CCSER1: variants seen among roughly 807,000 people sequenced by gnomAD.
The protein encoded by CCSER1 is serine-rich coiled-coil domain-containing protein 1.
In CCSER1, 41 loss-of-function variants were observed where a neutral mutation model predicts 82.0. The observed-to-expected ratio is 0.50, with a 90% CI of 0.39 to 0.65. The LOEUF is 0.65. Among genes scored for constraint, CCSER1 ranks in the 30% least tolerant of loss-of-function variants. The pLI is 0.00. For missense variants in CCSER1, 1,119 were observed against 1,064.2 expected, an observed-to-expected ratio of 1.05 and a Z score of -0.72; for synonymous variants, 414 against 383.9, an observed-to-expected ratio of 1.08 and a Z score of -0.92.
chr4:90,200,109 C>A (rs1250712792), intron 1 of CCSER1, among the ~76,000 whole-genome samples: 1 of 147,268 alleles, frequency 6.8e-6, no homozygotes, highest in Non-Finnish European at 1.5e-5. Flanking sequence ...TTTCTGACTG[C>A]TGTTAGCCTA....
intron 9 of CCSER1, among the ~76,000 whole-genome samples, chr4:91,035,623 C>T (rs1474327818): frequency 6.6e-6 from 1 of 152,028 alleles, no homozygotes; most frequent in Admixed American, 6.6e-5. Flanking sequence ...CAATATAAAA[C>T]ATGGCTTCTA....
At chr4:91,598,458 C>T (rs2110361231) in intron 10 of CCSER1, 114 bp from the exon 11 acceptor site, 1 of 1,089,532 alleles carries the variant, frequency 9.2e-7, no homozygotes. Context: ...ATTTTATAAA[C>T]CTCATTGAAA....
intron 10 of CCSER1, among the ~76,000 whole-genome samples, chr4:91,145,177 T>G (rs1251825714): frequency 6.6e-6 from 1 of 152,172 alleles, no homozygotes; most frequent in Non-Finnish European, 1.5e-5. Flanking sequence ...AGTTCAGTCT[T>G]TTTGTTCAAT....
intron 9 of CCSER1, among the ~76,000 whole-genome samples, chr4:90,977,240 T>A (rs951666444): frequency 6.6e-6 from 1 of 151,544 alleles, no homozygotes; most frequent in Non-Finnish European, 1.5e-5. Flanking sequence ...GATATCACTT[T>A]GGAGATTGTT....
rs151311687 is a variant in CCSER1, at chr4:90,834,717, C to T, written c.2094+18872C>T. Reference sequence around the variant, plus strand: ...AATGGTGCTTAGTTGCAGACTGTATCGTACCTTTTAACACCTGATGTGTAC... The same window carrying T: ...AATGGTGCTTAGTTGCAGACTGTATTGTACCTTTTAACACCTGATGTGTAC... On this transcript the variant is annotated intron_variant, in intron 8 of 10. Transcript: ENST00000509176. 3.5e-4 allele frequency among the ~76,000 whole-genome samples: 53 copies of T among 152,244 alleles called. 2 individuals carry two copies. In the East Asian group the frequency reaches 0.01, roughly 29 times the overall value.
chr4:91,003,105 G>T (rs1300261543), intron 9 of CCSER1, among the ~76,000 whole-genome samples: 1 of 152,204 alleles, frequency 6.6e-6, no homozygotes, highest in Non-Finnish European at 1.5e-5. Flanking sequence ...TGAACCATCT[G>T]CAGGTCTCAT....
chr4:90,641,137 T>A (rs1425538508), intron 6 of CCSER1, among the ~76,000 whole-genome samples: 2 of 152,144 alleles, frequency 1.3e-5, no homozygotes, highest in African/African-American at 4.8e-5. Flanking sequence ...TGAGGTATAA[T>A]ATATTAATCT....
intron 10 of CCSER1, among the ~76,000 whole-genome samples, chr4:91,144,497 G>A (rs1435420474): frequency 2.6e-5 from 4 of 151,710 alleles, no homozygotes; most frequent in East Asian, 1.9e-4. Flanking sequence ...ATTTTCTTAT[G>A]GTACCTTTGG....
intron 1 of CCSER1, among the ~76,000 whole-genome samples, chr4:90,259,866 C>T (rs1234523579): frequency 6.6e-6 from 1 of 152,004 alleles, no homozygotes; most frequent in Non-Finnish European, 1.5e-5. Context: ...ATTTGGTGAG[C>T]TAGTATTTTG....
chr4:90,303,311 A>C (rs920007577), intron 1 of CCSER1, among the ~76,000 whole-genome samples: 3 of 152,186 alleles, frequency 2.0e-5, no homozygotes, highest in Admixed American at 2.0e-4. Context: ...TTTAAAGTTC[A>C]TATGGAACCA....
intron 1 of CCSER1, among the ~76,000 whole-genome samples, chr4:90,238,726 T>C (rs996712908): frequency 1.3e-5 from 2 of 152,184 alleles, no homozygotes; most frequent in African/African-American, 4.8e-5. Flanking sequence ...ATATGATCTC[T>C]GTAATACTAT....
At chr4:90,577,577 A>G (rs1443766815) in intron 5 of CCSER1, among the ~76,000 whole-genome samples, 1 of 152,134 alleles carries the variant, frequency 6.6e-6, no homozygotes, top group Non-Finnish European at 1.5e-5. Flanking sequence ...TGATAGTTCT[A>G]AAAAGAGTTG....
At chr4:90,937,399 A>G (rs1167829789) in intron 9 of CCSER1, among the ~76,000 whole-genome samples, 1 of 152,124 alleles carries the variant, frequency 6.6e-6, no homozygotes, top group East Asian at 1.9e-4. Context: ...ATTCTAATCT[A>G]TATAACACAC....
intron 8 of CCSER1, among the ~76,000 whole-genome samples, chr4:90,876,817 A>T (rs995513164): frequency 1.1e-4 from 17 of 152,156 alleles, no homozygotes; most frequent in African/African-American, 4.1e-4. Flanking sequence ...AATACTTTCA[A>T]TCAAAATTAA....
chr4:90,855,041 T>C (rs183303020), intron 8 of CCSER1, among the ~76,000 whole-genome samples: 184 of 152,046 alleles, frequency 1.2e-3, no homozygotes, highest in African/African-American at 4.1e-3. Context: ...CACTTTCAAA[T>C]AACCAGATCT....
chr4:91,486,367 G>T (rs892284416), intron 10 of CCSER1, among the ~76,000 whole-genome samples: 5 of 151,840 alleles, frequency 3.3e-5, no homozygotes, highest in East Asian at 1.9e-4. Context: ...TAATGCCTTT[G>T]TGGCAGATTA....
chr4:90,944,159 G>A (rs1311509467), intron 9 of CCSER1, among the ~76,000 whole-genome samples: 1 of 149,444 alleles, frequency 6.7e-6, no homozygotes, highest in Non-Finnish European at 1.5e-5. Context: ...TTGAACCCCG[G>A]AAGCGGAGGT....
intron 10 of CCSER1, among the ~76,000 whole-genome samples, chr4:91,213,451 A>G (rs969366048): frequency 1.3e-5 from 2 of 152,134 alleles, no homozygotes; most frequent in African/African-American, 4.8e-5. Context: ...GTTAATGGTA[A>G]CATCCATTCA....
intron 8 of CCSER1, among the ~76,000 whole-genome samples, chr4:90,867,703 T>G (rs1410982242): frequency 6.6e-6 from 1 of 152,020 alleles, no homozygotes; most frequent in African/African-American, 2.4e-5. Flanking sequence ...TCCACTAGCC[T>G]TTCCAGCCTT....
Sources: gnomAD v4.1 joint callset for allele counts (sites outside exome capture counted in the v4.1 genomes callset) on GRCh38, gnomAD v4.1.1 for gene constraint, MANE v1.5 for transcripts, NCBI Gene and HGNC (gene_info 2026-07-23, HGNC 2026-07-21) for gene names.